MACROD2: variants seen among roughly 807,000 people sequenced by gnomAD.
MACROD2 encodes the protein ADP-ribose glycohydrolase MACROD2.
A neutral mutation model predicts 70.4 loss-of-function variants in MACROD2; 36 were observed. The ratio of observed to expected loss-of-function variants is 0.51; its 90% CI spans 0.39 to 0.68. MACROD2 has a LOEUF of 0.68. Ranked by LOEUF, MACROD2 falls within the 30% of genes least tolerant of loss-of-function variation. The pLI, the probability that MACROD2 is intolerant of heterozygous loss-of-function variation, is 0.00. For synonymous variants in MACROD2, 172 were observed against 178.8 expected (o/e 0.96, Z 0.30); for missense variants, 496 against 538.4 (o/e 0.92, Z 0.78).
intron 5 of MACROD2, among the ~76,000 whole-genome samples, chr20:15,041,347 T>C (rs2075354735): frequency 6.6e-6 from 1 of 152,156 alleles, no homozygotes; most frequent in African/African-American, 2.4e-5. Context: ...AATTGCCCAC[T>C]TCTGGCCATA....
intron 2 of MACROD2, among the ~76,000 whole-genome samples, chr20:14,072,169 T>C (rs2053853477): frequency 6.6e-6 from 1 of 152,194 alleles, no homozygotes. Flanking sequence ...TTTGTATTGC[T>C]TTCAAAGTAT....
chr20:14,043,111 G>T (rs1430917763), intron 2 of MACROD2, among the ~76,000 whole-genome samples: 1 of 151,934 alleles, frequency 6.6e-6, no homozygotes, highest in South Asian at 2.1e-4. Flanking sequence ...GTAGAGATGG[G>T]GTCTTACTAT....
At chr20:15,873,409 TAAC>T (rs1044141621) in intron 9 of MACROD2, among the ~76,000 whole-genome samples, 5 of 152,324 alleles carry the variant, frequency 3.3e-5, no homozygotes, top group Admixed American at 3.3e-4. Context: ...AATTAATGGG[TAAC>T]AACATTCATT....
intron 3 of MACROD2, among the ~76,000 whole-genome samples, chr20:14,210,570 C>G (rs908638846): frequency 6.6e-6 from 1 of 152,090 alleles, no homozygotes; most frequent in African/African-American, 2.4e-5. Flanking sequence ...TTTACTAATT[C>G]AGGATTAGCA....
chr20:15,583,537 G>T (rs866378321), intron 8 of MACROD2, among the ~76,000 whole-genome samples: 3 of 152,166 alleles, frequency 2.0e-5, no homozygotes, highest in African/African-American at 4.8e-5. Flanking sequence ...CTGTTTTCTT[G>T]CAGACAAGCC....
At chr20:15,616,625 G>A (rs1271680751) in intron 8 of MACROD2, among the ~76,000 whole-genome samples, 1 of 152,066 alleles carries the variant, frequency 6.6e-6, no homozygotes, top group Non-Finnish European at 1.5e-5. Context: ...ACGCTGGCTT[G>A]GATTGTTCTT....
chr20:14,081,576 A>G (rs1001774183), intron 2 of MACROD2, among the ~76,000 whole-genome samples: 6 of 152,192 alleles, frequency 3.9e-5, no homozygotes, highest in East Asian at 1.9e-4. Context: ...TGAGGGCGAT[A>G]TACTTGGCAA....
chr20:14,288,340 C>CT (rs1053105937), intron 3 of MACROD2, among the ~76,000 whole-genome samples: 57 of 152,294 alleles, frequency 3.7e-4, no homozygotes, highest in African/African-American at 1.3e-3. Context: ...GTCTAGGACT[C>CT]TGAGGATTTT....
chr20:15,450,600 A>G (rs1028806937), intron 7 of MACROD2, among the ~76,000 whole-genome samples: 1 of 152,134 alleles, frequency 6.6e-6, no homozygotes, highest in Non-Finnish European at 1.5e-5. Context: ...TGTCAGTTTT[A>G]ATATAGTCTC....
At chr20:14,681,595 A>G (rs1450251992) in intron 4 of MACROD2, among the ~76,000 whole-genome samples, 1 of 152,156 alleles carries the variant, frequency 6.6e-6, no homozygotes, top group East Asian at 1.9e-4. Context: ...GGGGAGGGGA[A>G]ATTGAATGGA....
chr20:14,489,841 A>G (rs887754569), intron 3 of MACROD2, among the ~76,000 whole-genome samples: 1 of 150,346 alleles, frequency 6.7e-6, no homozygotes, highest in Non-Finnish European at 1.5e-5. Flanking sequence ...CAAAAAGAAA[A>G]AAAATATTTG....
chr20:15,967,388 G>GA (rs371470206), intron 12 of MACROD2, among the ~76,000 whole-genome samples, 165 bp from the exon 13 acceptor site: 4 of 151,914 alleles, frequency 2.6e-5, no homozygotes, highest in Non-Finnish European at 5.9e-5. Flanking sequence ...AGTATGGGGG[G>GA]AAAAAAAGCG....
intron 3 of MACROD2, among the ~76,000 whole-genome samples, chr20:14,377,043 C>T (rs1246105486): frequency 6.6e-6 from 1 of 152,102 alleles, no homozygotes; most frequent in Admixed American, 6.5e-5. Flanking sequence ...ATCACTGTCT[C>T]CAATTAGCTT....
chr20:15,433,215 G>A (rs564361815), intron 7 of MACROD2, among the ~76,000 whole-genome samples: 7 of 151,876 alleles, frequency 4.6e-5, no homozygotes, highest in South Asian at 4.2e-4. Context: ...GCAATCAGAC[G>A]AGAGAAAGAA....
chr20:15,614,098 T>C, intron 8 of MACROD2, among the ~76,000 whole-genome samples: 1 of 152,352 alleles, frequency 6.6e-6, no homozygotes, highest in African/African-American at 2.4e-5. Context: ...TGTAAGTCAG[T>C]TCATTCCTGC....
chr20:15,204,358 G>T (rs1011892604), intron 5 of MACROD2, among the ~76,000 whole-genome samples: 5 of 152,086 alleles, frequency 3.3e-5, no homozygotes, highest in African/African-American at 1.2e-4. Context: ...CGTGAAAAGG[G>T]TTTGATTATT....
chr20:14,046,384 T>G (rs1371884459), intron 2 of MACROD2, among the ~76,000 whole-genome samples: 11 of 152,320 alleles, frequency 7.2e-5, no homozygotes, highest in African/African-American at 1.9e-4. Flanking sequence ...CAGCATCAGA[T>G]TGATAAAAAT....
chr20:14,589,162 C>G (rs1026435552), intron 4 of MACROD2, among the ~76,000 whole-genome samples: 1 of 151,850 alleles, frequency 6.6e-6, no homozygotes, highest in Admixed American at 6.6e-5. Context: ...ATGGATTTTT[C>G]TCTTGTTTTA....
At chr20:14,974,008 G>T (rs1260353365) in intron 5 of MACROD2, among the ~76,000 whole-genome samples, 1 of 152,176 alleles carries the variant, frequency 6.6e-6, no homozygotes, top group East Asian at 1.9e-4. Flanking sequence ...GTGTTGGAAG[G>T]TGGAAAATAT....
Sources: gnomAD v4.1 joint callset for allele counts (sites outside exome capture counted in the v4.1 genomes callset) on GRCh38, gnomAD v4.1.1 for gene constraint, MANE v1.5 for transcripts, NCBI Gene and HGNC (gene_info 2026-07-23, HGNC 2026-07-21) for gene names.